SUSD1: variants seen among roughly 807,000 people sequenced by gnomAD.
SUSD1 encodes the protein sushi domain containing 1, also known as sushi domain-containing protein 1.
In SUSD1, 65 loss-of-function variants were observed where a neutral mutation model predicts 86.9. The observed-to-expected ratio is 0.75, with a 90% CI of 0.61 to 0.92. The LOEUF is 0.92. Among genes scored for constraint, SUSD1 ranks in the 40% least tolerant of loss-of-function variants. The pLI, the probability that SUSD1 is intolerant of heterozygous loss-of-function variation, is 0.00. For missense variants in SUSD1, 850 were observed against 929.7 expected (o/e 0.91, Z 1.11); for synonymous variants, 346 against 350.0 (o/e 0.99, Z 0.13).
chr9:112,079,508 A>C (rs956749458), intron 11 of SUSD1, among the ~76,000 whole-genome samples: 1 of 150,830 alleles, frequency 6.6e-6, no homozygotes, highest in Admixed American at 6.6e-5. Context: ...TGGTGACCCT[A>C]CCCTTTCCTT....
intron 8 of SUSD1, among the ~76,000 whole-genome samples, chr9:112,102,509 A>T (rs1830672892): frequency 6.6e-6 from 1 of 152,234 alleles, no homozygotes; most frequent in African/African-American, 2.4e-5. Context: ...CCTTGTTTGT[A>T]AAATCAAGTA....
chr9:112,165,870 GAAGA>G (rs1392340728), intron 1 of SUSD1, among the ~76,000 whole-genome samples: 35 of 119,922 alleles, frequency 2.9e-4, no homozygotes, highest in African/African-American at 8.2e-4. Context: ...AGGAAGGAAG[GAAGA>G]AAGAGAAAGA....
intron 12 of SUSD1, among the ~76,000 whole-genome samples, chr9:112,076,815 C>A (rs1250268978): frequency 6.6e-6 from 1 of 152,100 alleles, no homozygotes; most frequent in African/African-American, 2.4e-5. Context: ...GGAACCAAAA[C>A]TAAGGGAGAG....
intron 15 of SUSD1, among the ~76,000 whole-genome samples, chr9:112,048,139 T>C (rs774251133): frequency 6.6e-5 from 10 of 152,180 alleles, no homozygotes; most frequent in Non-Finnish European, 1.3e-4. Context: ...CAACTTCCCC[T>C]ATCTCTGACC....
intron 10 of SUSD1, among the ~76,000 whole-genome samples, chr9:112,085,556 G>C (rs1829940993): frequency 6.6e-6 from 1 of 152,192 alleles, no homozygotes; most frequent in South Asian, 2.1e-4. Context: ...GACTCCAGAG[G>C]AACTGTGCCA....
In SUSD1 at chr9:112,107,326, G is replaced by C. The variant is rs562525033; in HGVS notation, c.1171+4328C>G. Among the ~76,000 whole-genome samples the C allele has an allele frequency of 2.2e-3, 339 of 150,888 alleles. 1 individual carries two copies. The highest frequency in any genetic ancestry group is 3.8e-3 in the Non-Finnish European group (258 of 67,730). On this transcript the variant is annotated intron_variant, in intron 8 of 16. Coordinates refer to ENST00000374270, the MANE Select transcript of SUSD1 (RefSeq NM_022486.5). Reference sequence around the variant, plus strand: ...AGGCCAGACGTGGTGGCTCACACCTGTAGTCCCAGCTACTTGGGAGGCTAA... The same window carrying C: ...AGGCCAGACGTGGTGGCTCACACCTCTAGTCCCAGCTACTTGGGAGGCTAA...
At chr9:112,082,114 G>T (rs1483264311) in intron 10 of SUSD1, among the ~76,000 whole-genome samples, 1 of 151,724 alleles carries the variant, frequency 6.6e-6, no homozygotes, top group Non-Finnish European at 1.5e-5. Flanking sequence ...GCAGAAAAAG[G>T]CAAGAAAAAA....
chr9:112,064,353 C>A (rs1435015742), intron 12 of SUSD1, among the ~76,000 whole-genome samples: 9 of 152,210 alleles, frequency 5.9e-5, no homozygotes, highest in Non-Finnish European at 1.3e-4. Flanking sequence ...ACTGTGCATA[C>A]AAGGGATCTA....
chr9:112,042,927 G>A (rs1293191259), intron 15 of SUSD1, among the ~76,000 whole-genome samples: 1 of 114,814 alleles, frequency 8.7e-6, no homozygotes, highest in African/African-American at 4.1e-5. Context: ...TGCAGAACTT[G>A]AAACCGCCTT....
chr9:112,121,833 C>T (rs918589783), intron 6 of SUSD1, among the ~76,000 whole-genome samples: 2 of 152,180 alleles, frequency 1.3e-5, no homozygotes, highest in African/African-American at 4.8e-5. Context: ...TGATCAACCA[C>T]CACAAATGGT....
intron 12 of SUSD1, among the ~76,000 whole-genome samples, chr9:112,069,101 G>A (rs750787555): frequency 1.3e-5 from 2 of 151,982 alleles, no homozygotes; most frequent in Admixed American, 6.6e-5. Context: ...AGTGAACGTG[G>A]CCACCAGGGA....
At chr9:112,167,576 T>C (rs1833875381) in intron 1 of SUSD1, among the ~76,000 whole-genome samples, 1 of 152,270 alleles carries the variant, frequency 6.6e-6, no homozygotes, top group African/African-American at 2.4e-5. Flanking sequence ...CAAGATGCAG[T>C]GCCTGGTATT....
chr9:112,143,448 C>T (rs374912808), intron 4 of SUSD1, 23 bp downstream of exon 4: 35 of 1,608,932 alleles, frequency 2.2e-5, no homozygotes, highest in Non-Finnish European at 2.7e-5. Context: ...GTTGAGATGC[C>T]GCAATTTTTG....
At chr9:112,144,137 G>A (rs1832705315) in intron 3 of SUSD1, among the ~76,000 whole-genome samples, 1 of 152,018 alleles carries the variant, frequency 6.6e-6, no homozygotes, top group Non-Finnish European at 1.5e-5. Context: ...CTATTCAGGA[G>A]GCTGAGGCAG....
chr9:112,074,235 A>G (rs377510169), intron 12 of SUSD1, among the ~76,000 whole-genome samples: 1 of 152,144 alleles, frequency 6.6e-6, no homozygotes, highest in African/African-American at 2.4e-5. Context: ...AAAAAGAAAA[A>G]GAAAATAGCA....
chr9:112,078,586 G>A lies in SUSD1; in HGVS notation c.1705C>T (p.Leu569=). 1 of 1,613,906 alleles carries A rather than the reference G, an allele frequency of 6.2e-7. No homozygotes were observed. Among genetic ancestry groups the A allele is most frequent in the Middle Eastern group, 1.7e-4 (1 of 6,058 alleles). Residue 569 remains leucine (L), a synonymous_variant, in exon 12 of 17, where the codon CTG becomes TTG. Transcript: ENST00000374270. ...GTNYNVSLRA[L]SSELPVVISL... The stretch of plus-strand genomic sequence containing the variant: ...ATGACCACAGGAAGTTCCGAAGACA[G>A]AGCCCGGAGACTGACATTGTAGTTG...
intron 6 of SUSD1, among the ~76,000 whole-genome samples, chr9:112,120,435 T>C (rs1376499921): frequency 1.3e-5 from 2 of 152,166 alleles, no homozygotes; most frequent in African/African-American, 4.8e-5. Flanking sequence ...CAGCTCTCAC[T>C]ACATTACCAG....
chr9:112,098,397 T>C (rs1830486720), intron 10 of SUSD1, 73 bp downstream of exon 10: 2 of 1,481,994 alleles, frequency 1.3e-6, no homozygotes, highest in East Asian at 2.3e-5. Context: ...AGCACTCTTA[T>C]GCCCGCCCAC....
chr9:112,133,924 C>T (rs943843771), intron 5 of SUSD1, among the ~76,000 whole-genome samples: 2 of 152,184 alleles, frequency 1.3e-5, no homozygotes, highest in African/African-American at 4.8e-5. Flanking sequence ...ACAGACATGT[C>T]TCAAAAGAAG....
Sources: allele counts gnomAD v4.1 joint callset (sites outside exome capture counted in the v4.1 genomes callset), GRCh38; gene constraint gnomAD v4.1.1; transcripts MANE v1.5; gene names NCBI Gene and HGNC (gene_info 2026-07-23, HGNC 2026-07-21).